WIPI1: variants seen among roughly 807,000 people sequenced by gnomAD.
WIPI1 encodes the protein WD repeat domain, phosphoinositide interacting 1.
Under a neutral mutation model 55.3 loss-of-function variants are expected in WIPI1, and 45 were observed. The observed-to-expected ratio is 0.81, with a 90% confidence interval of 0.64 to 1.04. WIPI1 has a LOEUF of 1.04. Ranked by LOEUF, WIPI1 falls within the 50% of genes least tolerant of loss-of-function variation. WIPI1 has a pLI of 0.00. For synonymous variants in WIPI1, 195 were observed against 217.6 expected (o/e 0.90, Z 0.92); for missense variants, 445 against 559.0 (o/e 0.80, Z 2.06).
At position 68,426,064 on chromosome 17, in the gene WIPI1, C is replaced by T; in HGVS notation, c.1293+11G>A. 1 of 1,612,482 alleles carries T rather than the reference C, an allele frequency of 6.2e-7. No homozygotes were observed. The highest frequency in any genetic ancestry group is 8.5e-7 in the Non-Finnish European group (1 of 1,179,470). On this transcript the variant is annotated intron_variant, in intron 12 of 12. Transcript: ENST00000262139. ...GACTGAGCCGCCCAGTTACGGGTTCCTAATGCTCACAGGAGGAAACTCATT... is the reference window on the plus strand; with the variant it reads ...GACTGAGCCGCCCAGTTACGGGTTCTTAATGCTCACAGGAGGAAACTCATT...
At chr17:68,449,692 C>T (rs1218354414) in intron 3 of WIPI1, among the ~76,000 whole-genome samples, 2 of 152,218 alleles carry the variant, frequency 1.3e-5, no homozygotes, top group Non-Finnish European at 2.9e-5. Context: ...TGAATCAAAG[C>T]TCCCTGAGCC....
At position 68,433,460 on chromosome 17, in the gene WIPI1, G is replaced by A; in HGVS notation, c.800+8C>T. 3 of 1,613,148 alleles carry A rather than the reference G, an allele frequency of 1.9e-6. No homozygotes were observed. The highest frequency in any genetic ancestry group is 2.5e-6 in the Non-Finnish European group (3 of 1,179,202). Reference sequence around the variant, plus strand: ...TAATGAGCATTTGGTGCCCCGCGGAGTACTTGCCTGTTGGTGACCTGTTCC... The same window carrying A: ...TAATGAGCATTTGGTGCCCCGCGGAATACTTGCCTGTTGGTGACCTGTTCC... On this transcript the variant is annotated splice_region_variant and intron_variant, in intron 8 of 12. Transcript: ENST00000262139.
At chr17:68,452,793 TA>T in intron 2 of WIPI1, 116 bp downstream of exon 2, 1 of 851,600 alleles carries the variant, frequency 1.2e-6, no homozygotes, top group Non-Finnish European at 1.8e-6. Context: ...CTTGACTCCC[TA>T]AGTTTGATGG....
At chr17:68,447,562 T>G (rs747537135) in intron 3 of WIPI1, among the ~76,000 whole-genome samples, 35 of 151,932 alleles carry the variant, frequency 2.3e-4, no homozygotes, top group Non-Finnish European at 1.0e-4. Flanking sequence ...ATTTTTATAG[T>G]AAAGACCTAG....
intron 7 of WIPI1, 78 bp downstream of exon 7, chr17:68,434,478 C>T (rs1368562696): frequency 3.1e-5 from 46 of 1,497,818 alleles, no homozygotes; most frequent in Non-Finnish European, 4.1e-5. Flanking sequence ...ACTCTCTGTC[C>T]TCTCCCTAGA....
intron 3 of WIPI1, among the ~76,000 whole-genome samples, chr17:68,444,985 A>G (rs1054512665): frequency 1.4e-5 from 2 of 142,376 alleles, no homozygotes; most frequent in Admixed American, 7.4e-5. Context: ...CAGTGGCGCA[A>G]TCTCAGCTCA....
chr17:68,453,503 G>T (rs940869978), intron 1 of WIPI1, among the ~76,000 whole-genome samples: 1 of 148,398 alleles, frequency 6.7e-6, no homozygotes, highest in Admixed American at 6.7e-5. Context: ...TTTTGAGAGG[G>T]AGTCTCGCTC....
chr17:68,455,676 T>C (rs374591853), intron 1 of WIPI1, among the ~76,000 whole-genome samples: 181 of 152,288 alleles, frequency 1.2e-3, no homozygotes, highest in Middle Eastern at 3.4e-3. Context: ...AAACTAACAG[T>C]AGGGAGTAAG....
At chr17:68,433,261 T>C (rs1233422257) in intron 8 of WIPI1, among the ~76,000 whole-genome samples, 1 of 152,240 alleles carries the variant, frequency 6.6e-6, no homozygotes, top group African/African-American at 2.4e-5. Flanking sequence ...AGCCAGGACG[T>C]GAACTCACGT....
At chr17:68,434,062 G>A (rs1464503364) in intron 7 of WIPI1, among the ~76,000 whole-genome samples, 5 of 152,000 alleles carry the variant, frequency 3.3e-5, no homozygotes, top group East Asian at 1.9e-4. Context: ...GAGCCACCGC[G>A]CCCGGCCCAT....
At chr17:68,455,436 G>C (rs528993034) in intron 1 of WIPI1, among the ~76,000 whole-genome samples, 1 of 151,848 alleles carries the variant, frequency 6.6e-6, no homozygotes, top group Non-Finnish European at 1.5e-5. Context: ...TAGGGGACTG[G>C]TAAGGGTTTG....
chr17:68,433,597 G>C, intron 7 of WIPI1, 22 bp from the exon 8 acceptor site: 3 of 1,596,546 alleles, frequency 1.9e-6, no homozygotes, highest in Non-Finnish European at 2.6e-6. Flanking sequence ...GCAACACATG[G>C]GTCAGTGAGC....
intron 7 of WIPI1, 49 bp from the exon 8 acceptor site, chr17:68,433,624 A>T (rs769666336): frequency 6.8e-7 from 1 of 1,480,526 alleles, no homozygotes; most frequent in Non-Finnish European, 9.4e-7. Flanking sequence ...AATGGGAGTT[A>T]TGGCCTTATA....
At chr17:68,426,019 G>C (rs766108315) in intron 12 of WIPI1, 56 bp downstream of exon 12, 2 of 1,437,518 alleles carry the variant, frequency 1.4e-6, no homozygotes, top group Middle Eastern at 2.0e-4. Flanking sequence ...ATGAGGCGAA[G>C]GTTTCCTTCT....
rs1285907710 is a variant in WIPI1, at chr17:68,436,405, C to G, written c.505G>C (p.Val169Leu). The G allele has an allele frequency of 1.2e-6, 2 of 1,613,982 alleles. No individual in the cohort carries two copies. The highest frequency in any genetic ancestry group is 1.7e-6 in the Non-Finnish European group (2 of 1,179,880). Residue 169 changes from valine to leucine, a missense_variant, in exon 5 of 13, where the codon GTG becomes CTG. Physicochemically the swap from Val to Leu is conservative, Grantham distance 32 (BLOSUM62 1). Transcript: ENST00000262139. ...ACCAGGGAGTTTCCATCATAAAGCACAATCTCCCCTGAAGTCAGGCTTCCA... is the reference window on the plus strand; with the variant it reads ...ACCAGGGAGTTTCCATCATAAAGCAGAATCTCCCCTGAAGTCAGGCTTCCA... ...YPGSLTSGEI[V>L]LYDGNSLKTV... is the part of the protein sequence containing the mutation.
rs749770060 is a variant in WIPI1 at position 68,444,557 on chromosome 17, A to G, written c.366T>C (p.Tyr122=). The change falls in exon 4 of 13, where the codon TAT becomes TAC. Residue 122 remains tyrosine, a synonymous_variant. Coordinates refer to ENST00000262139, the MANE Select transcript of WIPI1 (RefSeq NM_017983.7). ...RLLVCLEESI[Y]IHNIKDMKLL... ...GCTTCATGTCTTTAATGTTGTGAAT[A>G]TAAATGGACTCTTCTAGGCAAACCA... 1 of 1,614,112 alleles carries G rather than the reference A, an allele frequency of 6.2e-7. No homozygotes were observed. Among genetic ancestry groups the G allele is most frequent in the Admixed American group, 1.7e-5 (1 of 60,006 alleles).
chr17:68,451,899 C>T (rs569394493), intron 2 of WIPI1, among the ~76,000 whole-genome samples: 1 of 152,316 alleles, frequency 6.6e-6, no homozygotes, highest in East Asian at 1.9e-4. Context: ...ATATGTGTGC[C>T]TTTCTTCCAC....
intron 11 of WIPI1, 79 bp from the exon 12 acceptor site, chr17:68,426,254 G>GGC: frequency 2.4e-6 from 2 of 816,920 alleles, no homozygotes; most frequent in East Asian, 3.5e-5. Flanking sequence ...GGGAGCGGGG[G>GGC]CTCAAATAAA....
chr17:68,457,445 C>T lies in WIPI1; in HGVS notation c.-24G>A. ...ATCGGGGGCTCGGCCCGGGAAGCCGCAGCTCGGAGCCGGCGACAGCCACCT... is the reference window on the plus strand; with the variant it reads ...ATCGGGGGCTCGGCCCGGGAAGCCGTAGCTCGGAGCCGGCGACAGCCACCT... On this transcript the variant is annotated 5_prime_UTR_variant, in exon 1 of 13. Transcript: ENST00000262139. 7.2e-7 allele frequency: 1 copy of T among 1,386,748 alleles called. No individual in the cohort carries two copies. The highest frequency in any genetic ancestry group is 3.0e-5 in the Admixed American group (1 of 33,298). The allele number at this position is 1,386,748 out of a possible 1,614,324, so 85.9% of individuals were successfully genotyped here.
Sources: gnomAD v4.1 joint callset for allele counts (sites outside exome capture counted in the v4.1 genomes callset) on GRCh38, gnomAD v4.1.1 for gene constraint, MANE v1.5 for transcripts, NCBI Gene and HGNC (gene_info 2026-07-23, HGNC 2026-07-21) for gene names.